Variants in GALK2 observed in about 807,000 individuals in gnomAD.
The protein encoded by GALK2 is galactokinase 2.
GALK2 carries 36 observed loss-of-function variants against 52.4 expected under a neutral mutation model. The observed-to-expected ratio is 0.69, with a 90% CI of 0.53 to 0.91. GALK2 has a LOEUF of 0.91. GALK2 is among the 40% of genes least tolerant of loss of function. GALK2 has a pLI of 0.00. For synonymous variants in GALK2, 176 were observed against 199.1 expected (o/e 0.88, Z 0.98); for missense variants, 579 against 559.1 (o/e 1.04, Z -0.36).
At chr15:49,354,622 A>G (rs984950418) in intron 3 of GALK2, among the ~76,000 whole-genome samples, 2 of 152,184 alleles carry the variant, frequency 1.3e-5, no homozygotes, top group Non-Finnish European at 2.9e-5. Context: ...GCTGATTGCT[A>G]GCACAGCAGT....
chr15:49,198,417 A>G (rs1319372703), intron 1 of GALK2, among the ~76,000 whole-genome samples: 1 of 152,186 alleles, frequency 6.6e-6, no homozygotes, highest in Non-Finnish European at 1.5e-5. Flanking sequence ...AAATGACCTT[A>G]TTAATCTTCC....
chr15:49,349,151 C>G (rs1261376603), intron 3 of GALK2, among the ~76,000 whole-genome samples: 1 of 152,104 alleles, frequency 6.6e-6, no homozygotes, highest in Non-Finnish European at 1.5e-5. Flanking sequence ...AAATCCCTAA[C>G]TAGAACTTAA....
chr15:49,170,066 C>G (rs571425168), upstream of GALK2: 11 of 672,876 alleles, frequency 1.6e-5, no homozygotes, highest in Admixed American at 2.3e-4. Flanking sequence ...GGCCCTAGTC[C>G]CTCCCTGGGA....
upstream of GALK2, chr15:49,170,149 C>G (rs992857824): frequency 4.9e-6 from 7 of 1,427,904 alleles, no homozygotes; most frequent in Non-Finnish European, 4.6e-6. Context: ...GGAGGAGGAG[C>G]CAGAGGAGGG....
intron 5 of GALK2, among the ~76,000 whole-genome samples, chr15:49,244,861 A>C (rs2091270826): frequency 6.6e-6 from 1 of 152,138 alleles, no homozygotes; most frequent in Non-Finnish European, 1.5e-5. Flanking sequence ...AAAAAAAGCC[A>C]AAAAAACTGG....
chr15:49,354,408 G>A (rs897976435), intron 3 of GALK2, among the ~76,000 whole-genome samples: 4 of 152,236 alleles, frequency 2.6e-5, no homozygotes, highest in Non-Finnish European at 5.9e-5. Flanking sequence ...GTGAGCCGAA[G>A]CAGGGCGAGG....
intron 9 of GALK2, 60 bp downstream of exon 9, chr15:49,319,865 A>G (rs1035211817): frequency 3.2e-5 from 44 of 1,379,674 alleles, no homozygotes; most frequent in Middle Eastern, 4.9e-4. Context: ...AAATTAATGG[A>G]AAAAAATGCA....
chr15:49,335,143 C>G (rs891026184), downstream of GALK2, among the ~76,000 whole-genome samples: 2 of 152,164 alleles, frequency 1.3e-5, no homozygotes, highest in Non-Finnish European at 2.9e-5. Context: ...CTCCAGTCTC[C>G]ATTCCCTGGA....
chr15:49,210,971 A>ACT (rs762577466), intron 2 of GALK2, among the ~76,000 whole-genome samples: 7 of 93,794 alleles, frequency 7.5e-5, no homozygotes, highest in Non-Finnish European at 1.2e-4. Context: ...ACACACACAC[A>ACT]CTCACACACA....
At chr15:49,342,934 C>G (rs1205122240) in intron 3 of GALK2, among the ~76,000 whole-genome samples, 1 of 152,116 alleles carries the variant, frequency 6.6e-6, no homozygotes, top group Non-Finnish European at 1.5e-5. Context: ...GCCTTTTTCT[C>G]TAGCTGCTTT....
intron 5 of GALK2, among the ~76,000 whole-genome samples, chr15:49,269,685 C>A (rs1296997047): frequency 6.6e-6 from 1 of 152,176 alleles, no homozygotes. Context: ...CAGGGGCCCT[C>A]TCCCTATGTG....
intron 5 of GALK2, among the ~76,000 whole-genome samples, chr15:49,243,925 C>A (rs1482047196): frequency 1.3e-5 from 2 of 151,598 alleles, no homozygotes; most frequent in Non-Finnish European, 2.9e-5. Flanking sequence ...GAGTTCAAGA[C>A]CAGCCTGGGC....
intron 9 of GALK2, among the ~76,000 whole-genome samples, chr15:49,321,157 C>T (rs962281458): frequency 1.3e-5 from 2 of 152,196 alleles, no homozygotes; most frequent in African/African-American, 4.8e-5. Context: ...GGTACTCTTT[C>T]TGTGGAGTGG....
At chr15:49,312,372 T>C (rs560298450) in intron 8 of GALK2, among the ~76,000 whole-genome samples, 1 of 152,352 alleles carries the variant, frequency 6.6e-6, no homozygotes, top group Admixed American at 6.5e-5. Context: ...CTGTGTCAGA[T>C]GCTTGTTTCC....
intron 8 of GALK2, among the ~76,000 whole-genome samples, chr15:49,311,761 T>A (rs1280796692): frequency 6.6e-6 from 1 of 152,254 alleles, no homozygotes; most frequent in African/African-American, 2.4e-5. Context: ...CTCTTCTTTG[T>A]AGCCATTGTG....
At chr15:49,239,578 T>C (rs1320381314) in intron 5 of GALK2, among the ~76,000 whole-genome samples, 2 of 152,230 alleles carry the variant, frequency 1.3e-5, no homozygotes, top group Non-Finnish European at 2.9e-5. Flanking sequence ...TGAATAACTG[T>C]ATAAAAATAC....
chr15:49,293,939 G>A (rs935776996), intron 8 of GALK2, among the ~76,000 whole-genome samples: 3 of 151,604 alleles, frequency 2.0e-5, no homozygotes, highest in African/African-American at 7.3e-5. Flanking sequence ...GCCTCTACCA[G>A]AAACACAAAA....
intron 5 of GALK2, among the ~76,000 whole-genome samples, chr15:49,265,046 C>G (rs1193458438): frequency 2.6e-5 from 4 of 152,196 alleles, no homozygotes; most frequent in Non-Finnish European, 5.9e-5. Flanking sequence ...CTTGAGGAGG[C>G]AGTCTGCCCA....
At chr15:49,250,612 T>C (rs1014326818) in intron 5 of GALK2, among the ~76,000 whole-genome samples, 3 of 152,154 alleles carry the variant, frequency 2.0e-5, no homozygotes, top group Non-Finnish European at 4.4e-5. Flanking sequence ...AATGGATACT[T>C]TTCTATTCAG....
Sources: gnomAD v4.1 joint callset for allele counts (sites outside exome capture counted in the v4.1 genomes callset) on GRCh38, gnomAD v4.1.1 for gene constraint, MANE v1.5 for transcripts, NCBI Gene and HGNC (gene_info 2026-07-23, HGNC 2026-07-21) for gene names.